The following PAX9 variants were observed in gnomAD, a reference collection of about 807,000 sequenced individuals.
PAX9 encodes the protein paired box protein Pax-9.
PAX9 carries 6 observed loss-of-function variants against 29.1 expected under a neutral mutation model. That is an observed-to-expected ratio of 0.21 (90% CI 0.11 to 0.41). The LOEUF is 0.41. PAX9 is among the 10% of genes least tolerant of loss of function. The pLI is 1.00. For synonymous variants in PAX9, 217 were observed against 211.7 expected, an observed-to-expected ratio of 1.03 and a Z score of -0.22; for missense variants, 443 against 479.1, an observed-to-expected ratio of 0.92 and a Z score of 0.70.
upstream of PAX9, among the ~76,000 whole-genome samples, chr14:36,658,292 G>A (rs191968042): frequency 6.6e-6 from 1 of 151,654 alleles, no homozygotes. Flanking sequence ...CCCAGTCCCG[G>A]ACCTCGGACT....
chr14:36,675,344 A>G (rs1439471574), intron 3 of PAX9, among the ~76,000 whole-genome samples: 1 of 152,250 alleles, frequency 6.6e-6, no homozygotes, highest in African/African-American at 2.4e-5. Flanking sequence ...ATGCCAAGAC[A>G]GCACTGGTTT....
intron 3 of PAX9, 49 bp from the exon 4 acceptor site, chr14:36,676,149 T>C (rs770679083): frequency 1.2e-6 from 2 of 1,600,024 alleles, no homozygotes; most frequent in Admixed American, 3.3e-5. Context: ...GTGTGAAATG[T>C]TCACTCCTAT....
At chr14:36,675,763 A>C (rs1419480226) in intron 3 of PAX9, among the ~76,000 whole-genome samples, 1 of 152,178 alleles carries the variant, frequency 6.6e-6, no homozygotes, top group East Asian at 1.9e-4. Context: ...CTGAAAATGA[A>C]AGTTATACCA....
intron 3 of PAX9, among the ~76,000 whole-genome samples, chr14:36,667,986 G>A (rs1163516722): frequency 1.3e-5 from 2 of 152,148 alleles, no homozygotes; most frequent in African/African-American, 2.4e-5. Flanking sequence ...TTTAAAACAG[G>A]GAAATGATAT....
upstream of PAX9, among the ~76,000 whole-genome samples, chr14:36,658,375 G>GTGGC (rs59646911): frequency 7.5e-6 from 1 of 133,828 alleles, no homozygotes; most frequent in African/African-American, 3.2e-5. Flanking sequence ...GCCTCGCTTG[G>GTGGC]GGGGGGGGGG....
In PAX9 at chr14:36,663,490, G is replaced by A. The variant is rs1161932041; in HGVS notation, c.598G>A (p.Asp200Asn). The A allele has an allele frequency of 6.2e-6, 10 of 1,612,782 alleles. No individual in the cohort carries two copies. The highest frequency in any genetic ancestry group is 1.7e-5 in the Admixed American group (1 of 60,000). ...CTGGCCCTCCTCGCACTCCGTCACC[G>A]ACATCCTGGGCATCCGCTCCATCAC... ...RTWPSSHSVT[D>N]ILGIRSITDQ... The change falls in exon 2 of 4, where the codon GAC becomes AAC. Residue 200 changes from aspartate (D) to asparagine (N), a missense_variant. By Grantham distance (23) the Asp-to-Asn change is conservative (BLOSUM62 1). Coordinates refer to ENST00000361487, the MANE Select transcript of PAX9 (RefSeq NM_001372076.1).
intron 3 of PAX9, among the ~76,000 whole-genome samples, chr14:36,669,207 C>T (rs1426936188): frequency 6.6e-6 from 1 of 152,172 alleles, no homozygotes; most frequent in Non-Finnish European, 1.5e-5. Flanking sequence ...GAACTTTAGA[C>T]ATTGATTTCA....
intron 2 of PAX9, chr14:36,666,042 C>T: frequency 1.0e-5 from 2 of 191,278 alleles, no homozygotes; most frequent in Non-Finnish European, 2.2e-5. Context: ...TTCAGCCAGC[C>T]CCACTGCCAA....
intron 3 of PAX9, chr14:36,671,034 C>T (rs953417865): frequency 2.3e-6 from 1 of 430,768 alleles, no homozygotes; most frequent in Non-Finnish European, 4.6e-6. Flanking sequence ...AAGAGAAAAT[C>T]TTGTTTATTT....
rs1159982757 is a variant in PAX9, at chr14:36,661,884, A to G, written c.-206A>G. On this transcript the variant is annotated 5_prime_UTR_variant, in exon 1 of 4. Transcript: ENST00000361487. ...CAGCCCAGCCCACGTTGCTGCTTAG[A>G]TTGAAATGCAGAACTCAAGCCTCTT... 1.5e-6 allele frequency: 1 copy of G among 663,864 alleles called. No homozygotes were observed. The highest frequency in any genetic ancestry group is 1.8e-5 in the African/African-American group (1 of 55,746). 41.1% of individuals were successfully genotyped at this position (663,864 alleles called of 1,614,324 possible).
intron 1 of PAX9, 130 bp downstream of exon 1, chr14:36,662,223 C>A: frequency 1.9e-6 from 2 of 1,073,092 alleles, no homozygotes; most frequent in Non-Finnish European, 2.6e-6. Context: ...TGACTTTGCT[C>A]GTGTTCCTAC....
At position 36,663,078 on chromosome 14, in the gene PAX9, G is replaced by A; in HGVS notation, c.186G>A (p.Glu62=). 6.2e-7 allele frequency: 1 copy of A among 1,613,964 alleles called. No homozygotes were observed. The highest frequency in any genetic ancestry group is 8.5e-7 in the Non-Finnish European group (1 of 1,180,036). ...GCAAGATCCTGGCGCGATACAACGA[G>A]ACGGGCTCGATCTTGCCAGGAGCCA... ...CVSKILARYN[E]TGSILPGAIG... is the part of the protein sequence containing the mutation. The change falls in exon 2 of 4, where the codon GAG becomes GAA. Residue 62 remains glutamate (E), a synonymous_variant. Transcript: ENST00000361487.
In PAX9 at chr14:36,662,902, G is replaced by C; in HGVS notation, c.10G>C (p.Ala4Pro). The part of the protein sequence containing the change: MEP[A>P]FGEVNQLGGV... ...GCTGTGTGTTCATTTTGCAGAGCCA[G>C]CCTTCGGGGAGGTGAACCAGCTGGG... Residue 4 changes from alanine to proline, a missense_variant, in exon 2 of 4, where the codon GCC (alanine) becomes CCC (proline). Ala to Pro is a conservative substitution (Grantham distance 27, BLOSUM62 -1). Around this residue, in one of 2 missense-constraint regions of PAX9, gnomAD observed 107 missense variants for 161.9 expected, o/e 0.66. Coordinates refer to ENST00000361487, the MANE Select transcript of PAX9 (RefSeq NM_001372076.1). The C allele has an allele frequency of 1.2e-6, 2 of 1,611,512 alleles. No homozygotes were observed. Among genetic ancestry groups the C allele is most frequent in the Non-Finnish European group, 1.7e-6 (2 of 1,178,684 alleles).
intron 2 of PAX9, chr14:36,666,223 C>T (rs1881481671): frequency 3.6e-6 from 2 of 554,726 alleles, no homozygotes; most frequent in South Asian, 2.6e-5. Context: ...AAGTGTCTTC[C>T]CTCAGGCGTG....
upstream of PAX9, among the ~76,000 whole-genome samples, chr14:36,658,381 G>T (rs1402093640): frequency 1.3e-5 from 2 of 151,726 alleles, no homozygotes; most frequent in Admixed American, 6.6e-5. Flanking sequence ...CTTGGGGGGG[G>T]GGGGTCCTGT....
chr14:36,662,576 G>A (rs1881317855), intron 1 of PAX9: 1 of 478,504 alleles, frequency 2.1e-6, no homozygotes, highest in African/African-American at 1.9e-5. Context: ...AGGCGAGAAG[G>A]AGCACGTTCA....
In PAX9 at chr14:36,662,059, C is replaced by T. The variant is rs1227394503; in HGVS notation, c.-31C>T. The T allele has an allele frequency of 6.8e-7, 1 of 1,463,948 alleles. No individual in the cohort carries two copies. The highest frequency in any genetic ancestry group is 9.2e-7 in the Non-Finnish European group (1 of 1,092,852). 90.7% of individuals were successfully genotyped at this position (1,463,948 alleles called of 1,614,324 possible). A position where few individuals can be genotyped will look rare whatever the true frequency, so the allele number is the denominator to read the frequency against. On this transcript the variant is annotated 5_prime_UTR_variant, in exon 1 of 4. Transcript: ENST00000361487. ...AAAGTTTCTGTCTGGGAGTGCGGAA[C>T]TGGGGCCGGGTTGGTGTACTGCTCG...
chr14:36,663,418 C>T lies in PAX9; in HGVS notation c.526C>T (p.Pro176Ser), dbSNP rs767167192. 1.2e-6 allele frequency: 2 copies of T among 1,613,102 alleles called. No homozygotes were observed. The highest frequency in any genetic ancestry group is 1.7e-6 in the Non-Finnish European group (2 of 1,179,760). ...ITAAAAKVPT[P>S]PGVPAIPGSV... Reference sequence around the variant, plus strand: ...GGCGGCGGCCGCCAAGGTGCCCACGCCACCCGGGGTGCCTGCCATCCCCGG... The same window carrying T: ...GGCGGCGGCCGCCAAGGTGCCCACGTCACCCGGGGTGCCTGCCATCCCCGG... The change falls in exon 2 of 4, where the codon CCA becomes TCA. Residue 176 changes from proline (P) to serine (S), a missense_variant. Around this residue, in one of 2 missense-constraint regions of PAX9, gnomAD observed 336 missense variants for 317.2 expected, o/e 1.06. Transcript: ENST00000361487.
chr14:36,669,609 G>C (rs1393139613), intron 3 of PAX9, among the ~76,000 whole-genome samples: 1 of 152,066 alleles, frequency 6.6e-6, no homozygotes, highest in African/African-American at 2.4e-5. Context: ...AATTACCAAA[G>C]GGCTAAACTA....
Sources: gnomAD v4.1 joint callset for allele counts (sites outside exome capture counted in the v4.1 genomes callset) on GRCh38, gnomAD v4.1.1 for gene constraint, gnomAD v4.1.1 regional missense constraint, MANE v1.5 for transcripts, NCBI Gene and HGNC (gene_info 2026-07-23, HGNC 2026-07-21) for gene names.